The following RERG variants were observed in gnomAD, a reference collection of about 807,000 sequenced individuals.
RERG encodes the protein ras-related and estrogen-regulated growth inhibitor.
In RERG, 25 loss-of-function variants were observed where a neutral mutation model predicts 23.2. The ratio of observed to expected loss-of-function variants is 1.08; its 90% CI spans 0.79 to 1.50. RERG has a LOEUF of 1.50. Among genes scored for constraint, RERG ranks in the 40% most tolerant of loss-of-function variants. The probability of loss-of-function intolerance (pLI) is 0.00; values close to 1 mark genes in which losing one functional copy is unlikely to be tolerated. For missense variants in RERG, 253 were observed against 250.1 expected (o/e 1.01, Z -0.08); for synonymous variants, 81 against 89.1 (o/e 0.91, Z 0.51).
At chr12:15,196,679 A>T (rs1865149292) in intron 2 of RERG, among the ~76,000 whole-genome samples, 1 of 152,320 alleles carries the variant, frequency 6.6e-6, no homozygotes, top group Non-Finnish European at 1.5e-5. Context: ...GCTCTCTGGG[A>T]TGAGAAATCA....
intron 2 of RERG, among the ~76,000 whole-genome samples, chr12:15,191,791 C>A (rs1205471072): frequency 6.6e-6 from 1 of 152,158 alleles, no homozygotes; most frequent in Non-Finnish European, 1.5e-5. Flanking sequence ...ACCTCTGATG[C>A]CTGCAAGCCT....
intron 2 of RERG, among the ~76,000 whole-genome samples, chr12:15,202,334 T>G (rs544688578): frequency 2.0e-5 from 3 of 151,870 alleles, no homozygotes; most frequent in African/African-American, 4.8e-5. Flanking sequence ...CTTAACAAAT[T>G]TTTAAGCGCA....
At chr12:15,110,463 C>CT (rs869218147) in intron 4 of RERG, among the ~76,000 whole-genome samples, 3,627 of 72,838 alleles carry the variant, frequency 0.05, 586 homozygotes, top group Non-Finnish European at 0.057. Context: ...CCATTTTTTT[C>CT]TTTTTTTTTT....
chr12:15,154,687 C>A (rs1591650686), intron 2 of RERG, among the ~76,000 whole-genome samples: 1 of 152,270 alleles, frequency 6.6e-6, no homozygotes, highest in East Asian at 1.9e-4. Flanking sequence ...TGGTCTCCTG[C>A]CAAATAGGAC....
intron 2 of RERG, among the ~76,000 whole-genome samples, chr12:15,157,778 AT>A (rs529036071): frequency 7.9e-5 from 12 of 152,152 alleles, no homozygotes; most frequent in Non-Finnish European, 1.2e-4. Context: ...GCTTTTCAAC[AT>A]TTTTTTGTCA....
At chr12:15,126,728 T>TTTTA (rs1357590078) in intron 2 of RERG, among the ~76,000 whole-genome samples, 5 of 143,854 alleles carry the variant, frequency 3.5e-5, no homozygotes, top group Non-Finnish European at 1.5e-5. Context: ...TTCTTTCTTT[T>TTTTA]TTTTTTTTTT....
chr12:15,152,262 G>T (rs1172413262), intron 2 of RERG, among the ~76,000 whole-genome samples: 1 of 152,132 alleles, frequency 6.6e-6, no homozygotes, highest in Non-Finnish European at 1.5e-5. Context: ...GAAAACTAGT[G>T]CTTTTCATTT....
intron 2 of RERG, among the ~76,000 whole-genome samples, chr12:15,173,041 T>C (rs920135803): frequency 3.9e-5 from 6 of 152,066 alleles, no homozygotes; most frequent in African/African-American, 1.4e-4. Flanking sequence ...GTTATATCTA[T>C]AAAAATCACT....
chr12:15,200,242 T>A (rs1337481689), intron 2 of RERG, among the ~76,000 whole-genome samples: 1 of 152,100 alleles, frequency 6.6e-6, no homozygotes, highest in Non-Finnish European at 1.5e-5. Context: ...ATGCTTGGCT[T>A]GAGGAATTTT....
chr12:15,180,891 T>G (rs1864914586), intron 2 of RERG, among the ~76,000 whole-genome samples: 1 of 152,194 alleles, frequency 6.6e-6, no homozygotes, highest in Admixed American at 6.5e-5. Flanking sequence ...GGCTTCTAGT[T>G]AGGCAGCCCC....
chr12:15,130,431 G>C (rs1210566417), intron 2 of RERG, among the ~76,000 whole-genome samples: 1 of 152,170 alleles, frequency 6.6e-6, no homozygotes, highest in Admixed American at 6.6e-5. Context: ...AACTAAAAAA[G>C]TTAACAGATG....
At position 15,143,232 on chromosome 12, in the gene RERG, C is replaced by T. The variant is rs1245285121; in HGVS notation, c.62-22113G>A. Reference sequence around the variant, plus strand: ...AATTAATGAGATTTTCCCTAGAAAACCTCAGAACAAAGACAAAAACTGTGG... The same window carrying T: ...AATTAATGAGATTTTCCCTAGAAAATCTCAGAACAAAGACAAAAACTGTGG... On this transcript the variant is annotated intron_variant, in intron 2 of 4. Coordinates refer to ENST00000256953, the MANE Select transcript of RERG (RefSeq NM_032918.3). Among the ~76,000 whole-genome samples, 7 of 152,110 alleles carry T rather than the reference C, an allele frequency of 4.6e-5. No homozygotes were observed. In the East Asian group the frequency reaches 1.4e-3, roughly 29 times the overall value.
intron 2 of RERG, among the ~76,000 whole-genome samples, chr12:15,134,329 T>C (rs180804506): frequency 9.9e-5 from 15 of 152,274 alleles, no homozygotes; most frequent in African/African-American, 3.1e-4. Flanking sequence ...TCTTTTTGCA[T>C]GTGGATGCCC....
At chr12:15,126,810 C>T (rs1443685430) in intron 2 of RERG, among the ~76,000 whole-genome samples, 7 of 150,986 alleles carry the variant, frequency 4.6e-5, no homozygotes, top group Admixed American at 3.3e-4. Flanking sequence ...CTCTGCCTCC[C>T]GGGTTCATGC....
intron 2 of RERG, among the ~76,000 whole-genome samples, chr12:15,191,309 A>G (rs1265916744): frequency 2.6e-5 from 4 of 152,154 alleles, no homozygotes; most frequent in Admixed American, 2.6e-4. Flanking sequence ...TCTCTCCCTT[A>G]TCATCTCTAT....
intron 2 of RERG, among the ~76,000 whole-genome samples, chr12:15,185,037 T>C (rs770899072): frequency 6.6e-6 from 1 of 152,168 alleles, no homozygotes; most frequent in Non-Finnish European, 1.5e-5. Flanking sequence ...CAGTATTCAC[T>C]TCATTCCTAT....
intron 2 of RERG, among the ~76,000 whole-genome samples, chr12:15,186,816 G>A (rs1326373473): frequency 6.6e-6 from 1 of 152,166 alleles, no homozygotes; most frequent in Non-Finnish European, 1.5e-5. Context: ...ATTTCCCAGA[G>A]ATTAATGGAG....
At chr12:15,172,871 C>T (rs1864796044) in intron 2 of RERG, among the ~76,000 whole-genome samples, 1 of 152,008 alleles carries the variant, frequency 6.6e-6, no homozygotes, top group Non-Finnish European at 1.5e-5. Flanking sequence ...TAAATTCTGG[C>T]TACAAATCCC....
intron 2 of RERG, among the ~76,000 whole-genome samples, chr12:15,173,241 A>G (rs1232424211): frequency 2.0e-5 from 3 of 151,986 alleles, no homozygotes; most frequent in African/African-American, 7.2e-5. Flanking sequence ...TCTCTACAAA[A>G]CTGTGTTGGT....
Sources: gnomAD v4.1 joint callset for allele counts (sites outside exome capture counted in the v4.1 genomes callset) on GRCh38, gnomAD v4.1.1 for gene constraint, MANE v1.5 for transcripts, NCBI Gene and HGNC (gene_info 2026-07-23, HGNC 2026-07-21) for gene names.